Variants in ARHGAP33 observed in about 807,000 individuals in gnomAD.
ARHGAP33 encodes rho GTPase-activating protein 33.
Under a neutral mutation model 126.2 loss-of-function variants are expected in ARHGAP33, and 57 were observed. That is an observed-to-expected ratio of 0.45 (90% CI 0.36 to 0.56). ARHGAP33 has a LOEUF of 0.56. Among genes scored for constraint, ARHGAP33 ranks in the 20% least tolerant of loss-of-function variants. ARHGAP33 has a pLI of 0.00. For missense variants in ARHGAP33, 1,500 were observed against 1,748.3 expected, an observed-to-expected ratio of 0.86 and a Z score of 2.53; for synonymous variants, 711 against 755.0, an observed-to-expected ratio of 0.94 and a Z score of 0.95.
Position 35,786,115 on chromosome 19 carries a change from A to C in ARHGAP33, c.1943-298A>C. On this transcript the variant is annotated intron_variant, in intron 19 of 20. Coordinates refer to ENST00000007510, the MANE Select transcript of ARHGAP33 (RefSeq NM_001366178.1). This position sits in a 1 kb window ranked among gnomAD's most constrained non-coding sequence, Gnocchi z 7.0. The stretch of plus-strand genomic sequence containing the variant: ...TTCTGAGCCACCGCGCCATCCTCAC[A>C]CTCCTGGGGTACTGCCCTCCCACAT... The C allele has an allele frequency of 8.0e-7, 1 of 1,257,784 alleles. No individual in the cohort carries two copies. Among genetic ancestry groups the C allele is most frequent in the Non-Finnish European group, 1.0e-6 (1 of 1,001,104 alleles). The allele number at this position is 1,257,784 out of a possible 1,614,324, so 77.9% of individuals were successfully genotyped here.
chr19:35,779,762 C>A, intron 6 of ARHGAP33: 1 of 361,408 alleles, frequency 2.8e-6, no homozygotes, highest in South Asian at 2.0e-5. Flanking sequence ...TTTGTAGAGA[C>A]AGAGTTTTGC....
At chr19:35,778,207 C>A in intron 3 of ARHGAP33, 73 bp from the exon 4 acceptor site, 1 of 1,520,600 alleles carries the variant, frequency 6.6e-7, no homozygotes, top group South Asian at 1.1e-5. Context: ...ACAAACCCGT[C>A]CCTAGATAGT....
chr19:35,778,868 G>A (rs762269032), intron 5 of ARHGAP33, among the ~76,000 whole-genome samples, 164 bp from the exon 6 acceptor site: 36 of 152,168 alleles, frequency 2.4e-4, no homozygotes, highest in Non-Finnish European at 4.6e-4. Context: ...GCTTGGCCCA[G>A]CCTGCTTATT....
In ARHGAP33 at chr19:35,788,758, C is replaced by T. The variant is rs1405619565; in HGVS notation, c.*329C>T. On this transcript the variant is annotated 3_prime_UTR_variant, in exon 21 of 21. Transcript: ENST00000007510. ...CGGGGATGGGGGGACAACTCCTACC[C>T]TTCTTTCCCCACATGCCCCACTAAA... The T allele has an allele frequency of 7.1e-6, 2 of 280,134 alleles. No homozygotes were observed. Among genetic ancestry groups the T allele is most frequent in the Non-Finnish European group, 1.3e-5 (2 of 149,880 alleles). 17.4% of individuals were successfully genotyped at this position (280,134 alleles called of 1,614,324 possible).
At chr19:35,784,910 G>A (rs757220926) in intron 16 of ARHGAP33, 43 bp from the exon 17 acceptor site, 1 of 1,503,026 alleles carries the variant, frequency 6.7e-7, no homozygotes, top group Non-Finnish European at 8.8e-7. Flanking sequence ...GTGGCCTTGG[G>A]CGGCCCCAGA....
At chr19:35,777,025 T>C (rs952830732) in intron 1 of ARHGAP33, among the ~76,000 whole-genome samples, 8 of 151,920 alleles carry the variant, frequency 5.3e-5, no homozygotes, top group African/African-American at 1.9e-4. Context: ...TAGAAGGAAA[T>C]GAGAAGAGGG....
intron 15 of ARHGAP33, among the ~76,000 whole-genome samples, chr19:35,783,416 C>T (rs1022103225): frequency 6.6e-6 from 1 of 152,122 alleles, no homozygotes; most frequent in Non-Finnish European, 1.5e-5. Context: ...AGGGAGTGTA[C>T]AGTTTTGAAT....
chr19:35,780,781 T>A lies in ARHGAP33; in HGVS notation c.794T>A (p.Ile265Asn). Residue 265 changes from isoleucine to asparagine, a missense_variant, in exon 10 of 21, where the codon ATC (isoleucine) becomes AAC (asparagine). Physicochemically the swap from Ile to Asn is moderately radical, Grantham distance 149. Coordinates refer to ENST00000007510, the MANE Select transcript of ARHGAP33 (RefSeq NM_001366178.1). ...GATGCCGATGGCCCCCCATGTGGCA[T>A]CCCGGCTCCCCAGGGTATCTCGTCT... ...KADADGPPCG[I>N]PAPQGISSLT... The A allele has an allele frequency of 1.2e-6, 2 of 1,613,852 alleles. No individual in the cohort carries two copies. Among genetic ancestry groups the A allele is most frequent in the Non-Finnish European group, 1.7e-6 (2 of 1,179,990 alleles).
intron 3 of ARHGAP33, 44 bp downstream of exon 3, chr19:35,777,952 C>T (rs934031484): frequency 1.9e-6 from 3 of 1,592,994 alleles, no homozygotes; most frequent in Non-Finnish European, 2.6e-6. Flanking sequence ...AGACAATATC[C>T]TACCCAACCT....
intron 1 of ARHGAP33, among the ~76,000 whole-genome samples, chr19:35,777,115 G>A (rs1382623685): frequency 2.0e-5 from 3 of 152,154 alleles, no homozygotes; most frequent in Non-Finnish European, 2.9e-5. Context: ...GAGGTAAACA[G>A]AAATCAGCTC....
Position 35,785,317 on chromosome 19 carries a change from C to G in ARHGAP33, c.1850C>G (p.Ala617Gly), listed in dbSNP as rs145114644. The G allele has an allele frequency of 6.2e-7, 1 of 1,609,484 alleles. No homozygotes were observed. Among genetic ancestry groups the G allele is most frequent in the African/African-American group, 1.3e-5 (1 of 74,914 alleles). The change falls in exon 18 of 21, where the codon GCC (alanine) becomes GGC (glycine). Residue 617 changes from alanine (A) to glycine (G), a missense_variant. Physicochemically the swap from Ala to Gly is moderately conservative, Grantham distance 60. Transcript: ENST00000007510. ...KPLPWLGGTR[A>G]PPQPSGSRPD... ...CTGCCCTGGCTGGGGGGCACCCGTG[C>G]CCCACCGCAGCCTTCAGGTGAGAGG... is the stretch of plus-strand genomic sequence containing the variant.
Position 35,785,122 on chromosome 19 carries a change from G to T in ARHGAP33, c.1721+16G>T. ...CTGCGGAAAGGTGAGTGGGATGCTG[G>T]GGGTGGCGAGGGGCAGGTGGAGGCC... On this transcript the variant is annotated intron_variant, in intron 17 of 20. Transcript: ENST00000007510. The T allele has an allele frequency of 6.3e-7, 1 of 1,590,334 alleles. No homozygotes were observed. Among genetic ancestry groups the T allele is most frequent in the Non-Finnish European group, 8.6e-7 (1 of 1,164,344 alleles).
At position 35,786,522 on chromosome 19, in the gene ARHGAP33, C is replaced by CGAGTCCTCCTCCTCT. The variant is rs765223339; in HGVS notation, c.2064_2078dup (p.Glu690_Ser694dup). On this transcript the variant is annotated inframe_insertion, in exon 20 of 21. Transcript: ENST00000007510. The surrounding 1 kb of genome is among the most constrained non-coding windows in gnomAD (Gnocchi z 7.0). ...AGAGCCTGTCCTCGTCCTCCTCCTCCGAGTCCTCCTCCTCTGAGTCCTCCT... is the reference window on the plus strand; with the variant it reads ...AGAGCCTGTCCTCGTCCTCCTCCTCCGAGTCCTCCTCCTCTGAGTCCTCCTCCTCTGAGTCCTCCT... The CGAGTCCTCCTCCTCT allele has an allele frequency of 1.5e-5, 23 of 1,535,674 alleles. No homozygotes were observed. The East Asian group carries it at 4.6e-4, about 31-fold the overall frequency.
rs1028730839 is a variant in ARHGAP33, at chr19:35,785,963, G to A, written c.1943-450G>A. ...AAGGGCGTTGTAAGAAAGGGATGCC[G>A]CACTGTATGGGGAGCTTGGCTTTTT... On this transcript the variant is annotated intron_variant, in intron 19 of 20. Coordinates refer to ENST00000007510, the MANE Select transcript of ARHGAP33 (RefSeq NM_001366178.1). 14 of 1,079,932 alleles carry A rather than the reference G, an allele frequency of 1.3e-5. 2 individuals are homozygous for A. The highest frequency in any genetic ancestry group is 1.5e-4 in the East Asian group (2 of 13,610). 66.9% of individuals were successfully genotyped at this position (1,079,932 alleles called of 1,614,324 possible).
intron 9 of ARHGAP33, 35 bp from the exon 10 acceptor site, chr19:35,780,722 C>T (rs1321478732): frequency 6.2e-7 from 1 of 1,613,482 alleles, no homozygotes; most frequent in Non-Finnish European, 8.5e-7. Context: ...TTTTGCCTCC[C>T]ACTCATCCCT....
Position 35,782,858 on chromosome 19 carries a change from C to G in ARHGAP33, c.1410C>G (p.Pro470=). The G allele has an allele frequency of 6.2e-7, 1 of 1,611,954 alleles. No homozygotes were observed. Residue 470 remains proline (P), a synonymous_variant, in exon 15 of 21, where the codon CCC becomes CCG. Transcript: ENST00000007510. This position sits in a 1 kb window ranked among gnomAD's most constrained non-coding sequence, Gnocchi z 4.1. ...HARNLAIVWA[P]NLLRSMELES... ...GCAACCTGGCCATTGTCTGGGCACC[C>G]AACCTGCTACGGTGAGCTGCTTGCT...
chr19:35,780,014 T>TA (rs1354888007), intron 6 of ARHGAP33, 197 bp from the exon 7 acceptor site: 1 of 777,460 alleles, frequency 1.3e-6, no homozygotes, highest in African/African-American at 1.7e-5. Context: ...GGGTTTTTCT[T>TA]AGAGGTTTCC....
intron 3 of ARHGAP33, 103 bp downstream of exon 3, chr19:35,778,011 C>T: frequency 7.3e-7 from 1 of 1,375,260 alleles, no homozygotes; most frequent in South Asian, 1.2e-5. Context: ...CTGTGACTGG[C>T]TGCTGCACGC....
In ARHGAP33 at chr19:35,778,176, G is replaced by A. The variant is rs117920435; in HGVS notation, c.190-104G>A. The A allele has an allele frequency of 4.6e-3, 5,608 of 1,220,338 alleles. 317 individuals carry two copies. The East Asian group carries it at 0.12, about 26-fold the overall frequency. 75.6% of individuals were successfully genotyped at this position (1,220,338 alleles called of 1,614,324 possible). A position where few individuals can be genotyped will look rare whatever the true frequency, so the allele number is the denominator to read the frequency against. ...CAGGACATCACCAGGCCCTGTCCTC[G>A]GGGAGGTCCAGAAGGGAGTCACAAA... On this transcript the variant is annotated intron_variant, in intron 3 of 20. Transcript: ENST00000007510.
Sources: allele counts gnomAD v4.1 joint callset (sites outside exome capture counted in the v4.1 genomes callset), GRCh38; gene constraint gnomAD v4.1.1; non-coding constraint Gnocchi (gnomAD v3.1); transcripts MANE v1.5; gene names NCBI Gene and HGNC (gene_info 2026-07-23, HGNC 2026-07-21).